The following TLK2 variants were observed in gnomAD, a reference collection of about 807,000 sequenced individuals.
TLK2 encodes the protein serine/threonine-protein kinase tousled-like 2.
A neutral mutation model predicts 117.3 loss-of-function variants in TLK2; 6 were observed. That is an observed-to-expected ratio of 0.05 (90% CI 0.03 to 0.10). TLK2 has a LOEUF of 0.10. Among genes scored for constraint, TLK2 ranks in the 10% least tolerant of loss-of-function variants. The pLI is 1.00. For missense variants in TLK2, 299 were observed against 901.2 expected, an observed-to-expected ratio of 0.33 and a Z score of 8.56; for synonymous variants, 257 against 316.7, an observed-to-expected ratio of 0.81 and a Z score of 2.00.
intron 7 of TLK2, among the ~76,000 whole-genome samples, chr17:62,542,214 C>T (rs1296945545): frequency 6.6e-6 from 1 of 152,200 alleles, no homozygotes; most frequent in Non-Finnish European, 1.5e-5. Flanking sequence ...GAGATAACTA[C>T]TGTTAACAGT....
intron 16 of TLK2, among the ~76,000 whole-genome samples, chr17:62,591,616 C>T (rs541155477): frequency 3.9e-5 from 6 of 152,124 alleles, no homozygotes; most frequent in East Asian, 1.9e-4. Context: ...TGAAATGAAG[C>T]GTCAGGGGAG....
chr17:62,508,168 G>GTTTTTT (rs34268998), intron 2 of TLK2, among the ~76,000 whole-genome samples: 3 of 125,756 alleles, frequency 2.4e-5, no homozygotes, highest in East Asian at 2.3e-4. Context: ...AAATTTCCTA[G>GTTTTTT]TTTTTTTTTT....
chr17:62,498,182 T>C (rs2073876147), intron 2 of TLK2, among the ~76,000 whole-genome samples: 1 of 152,172 alleles, frequency 6.6e-6, no homozygotes, highest in Admixed American at 6.6e-5. Context: ...CAAGTACTAT[T>C]GCAAGGAAAA....
chr17:62,558,034 AG>A (rs1404463281), intron 9 of TLK2, among the ~76,000 whole-genome samples: 2 of 152,168 alleles, frequency 1.3e-5, no homozygotes, highest in Admixed American at 6.5e-5. Flanking sequence ...GAAGATCTAG[AG>A]GATCGACAGT....
At chr17:62,598,888 T>C (rs892525342) in intron 17 of TLK2, among the ~76,000 whole-genome samples, 2 of 152,210 alleles carry the variant, frequency 1.3e-5, no homozygotes, top group African/African-American at 4.8e-5. Context: ...CATGAGTCTA[T>C]ATTTCAGATT....
At chr17:62,574,493 A>G (rs2080598354) in intron 12 of TLK2, 5 of 741,828 alleles carry the variant, frequency 6.7e-6, no homozygotes, top group Non-Finnish European at 1.1e-5. Context: ...AAACATCTTC[A>G]TTCATATAAC....
At chr17:62,524,154 T>A in intron 5 of TLK2, 82 bp from the exon 6 acceptor site, 1 of 1,177,328 alleles carries the variant, frequency 8.5e-7, no homozygotes, top group Non-Finnish European at 1.2e-6. Context: ...TAAGATCTGT[T>A]TGTGTATTAA....
At chr17:62,499,856 A>G (rs2074040529) in intron 2 of TLK2, among the ~76,000 whole-genome samples, 1 of 152,136 alleles carries the variant, frequency 6.6e-6, no homozygotes, top group Admixed American at 6.5e-5. Flanking sequence ...GTCTAAAAAA[A>G]AAAAAAGAAA....
chr17:62,480,881 C>G (rs2071564246), intron 1 of TLK2, among the ~76,000 whole-genome samples: 1 of 152,160 alleles, frequency 6.6e-6, no homozygotes, highest in African/African-American at 2.4e-5. Context: ...AAAATCAAAT[C>G]AGAACTAGGG....
chr17:62,496,174 A>G (rs1244489904), intron 2 of TLK2, among the ~76,000 whole-genome samples: 1 of 152,268 alleles, frequency 6.6e-6, no homozygotes, highest in African/African-American at 2.4e-5. Context: ...ATGCAAGTAT[A>G]TTATATAAAC....
At chr17:62,551,437 G>A (rs2078446900) in intron 7 of TLK2, among the ~76,000 whole-genome samples, 1 of 152,120 alleles carries the variant, frequency 6.6e-6, no homozygotes, top group Admixed American at 6.5e-5. Flanking sequence ...TAGGTGTGGT[G>A]GCTCACGCCT....
chr17:62,501,748 C>A (rs2074215880), intron 2 of TLK2, among the ~76,000 whole-genome samples: 1 of 151,972 alleles, frequency 6.6e-6, no homozygotes, highest in Admixed American at 6.6e-5. Context: ...TCACTTGAGC[C>A]CAGGAGTTTG....
rs753168086 is a variant in TLK2, at chr17:62,578,519, G to A, written c.1231G>A (p.Val411Ile). The change falls in exon 14 of 22, where the codon GTT (valine) becomes ATT (isoleucine). Residue 411 changes from valine to isoleucine, a missense_variant. Physicochemically the swap from Val to Ile is conservative, Grantham distance 29. Transcript: ENST00000346027. ...GGCAGAGCTGGAGAGACTAGAAAGG[G>A]TTAGAAATCTACATATCAGGGAACT... is the stretch of plus-strand genomic sequence containing the variant. ...IQAELERLER[V>I]RNLHIRELKR... 2.4e-5 allele frequency: 39 copies of A among 1,613,820 alleles called. 1 individual carries two copies. The highest frequency in any genetic ancestry group is 3.3e-4 in the Middle Eastern group (2 of 6,078).
chr17:62,502,737 AG>A (rs2074314192), intron 2 of TLK2, among the ~76,000 whole-genome samples: 1 of 152,234 alleles, frequency 6.6e-6, no homozygotes, highest in Non-Finnish European at 1.5e-5. Flanking sequence ...AACAATTGGC[AG>A]TTGAAGTAAA....
intron 9 of TLK2, among the ~76,000 whole-genome samples, chr17:62,554,577 G>A (rs1475547305): frequency 3.3e-5 from 5 of 151,826 alleles, no homozygotes; most frequent in East Asian, 1.9e-4. Flanking sequence ...GTGATACTTT[G>A]TCTCAAGAAA....
At position 62,614,854 on chromosome 17, in the gene TLK2, TGAA is replaced by T. The variant is rs1288910121; in HGVS notation, c.*2292_*2294del. The T allele has an allele frequency of 6.6e-6, 1 of 152,218 alleles. No individual in the cohort carries two copies. The highest frequency in any genetic ancestry group is 2.4e-5 in the African/African-American group (1 of 41,462). The allele number at this position is 152,218 out of a possible 1,614,324, so 9.4% of individuals were successfully genotyped here. A position where few individuals can be genotyped will look rare whatever the true frequency, so the allele number is the denominator to read the frequency against. ...TGCTGAGAGGATGGTGTCTGCATAATGAAGACATGGATGAAGCTGAGACCGTGT... is the reference window on the plus strand; with the variant it reads ...TGCTGAGAGGATGGTGTCTGCATAATGACATGGATGAAGCTGAGACCGTGT... On this transcript the variant is annotated 3_prime_UTR_variant, in exon 22 of 22. Transcript: ENST00000346027.
chr17:62,602,521 T>C (rs761217986), intron 19 of TLK2, among the ~76,000 whole-genome samples: 6 of 152,166 alleles, frequency 3.9e-5, no homozygotes, highest in Non-Finnish European at 7.3e-5. Flanking sequence ...CCAAAATCTT[T>C]CCGTCCAAAT....
At chr17:62,487,849 C>A (rs118172483) in intron 2 of TLK2, among the ~76,000 whole-genome samples, 6,709 of 152,060 alleles carry the variant, frequency 0.044, 278 homozygotes, top group South Asian at 0.21. Flanking sequence ...TCTTGAACTT[C>A]CGACCTCAAG....
At chr17:62,483,654 A>C (rs1480321225) in intron 2 of TLK2, among the ~76,000 whole-genome samples, 2 of 151,614 alleles carry the variant, frequency 1.3e-5, no homozygotes, top group Non-Finnish European at 2.9e-5. Context: ...GGCGTGCGCC[A>C]CTACCACCCT....
Sources: allele counts gnomAD v4.1 joint callset (sites outside exome capture counted in the v4.1 genomes callset), GRCh38; gene constraint gnomAD v4.1.1; transcripts MANE v1.5; gene names NCBI Gene and HGNC (gene_info 2026-07-23, HGNC 2026-07-21).